Variants in MAML1 observed in about 807,000 individuals in gnomAD.
MAML1 encodes mastermind-like protein 1.
Under a neutral mutation model 77.1 loss-of-function variants are expected in MAML1, and 14 were observed. The observed-to-expected ratio is 0.18, with a 90% CI of 0.12 to 0.28. MAML1 has a LOEUF of 0.28. Ranked by LOEUF, MAML1 falls within the 10% of genes least tolerant of loss-of-function variation. The probability of loss-of-function intolerance (pLI) is 1.00; values close to 1 mark genes in which losing one functional copy is unlikely to be tolerated. For missense variants in MAML1, 1,217 were observed against 1,327.8 expected (o/e 0.92, Z 1.30); for synonymous variants, 516 against 551.9 (o/e 0.93, Z 0.91).
chr5:179,776,933 A>C lies in MAML1; in HGVS notation c.*2056A>C, dbSNP rs1000965415. The C allele has an allele frequency of 8.1e-5, 80 of 985,722 alleles. No individual in the cohort carries two copies. Among genetic ancestry groups the C allele is most frequent in the Middle Eastern group, 1.0e-3 (2 of 1,934 alleles). The allele number at this position is 985,722 out of a possible 1,614,324, so 61.1% of individuals were successfully genotyped here. A position where few individuals can be genotyped will look rare whatever the true frequency, so the allele number is the denominator to read the frequency against. Reference sequence around the variant, plus strand: ...ACAGCCCCGTCTTCCAGGAGCCACAACTCAGAAGAAAAGGGTGCTCAGACT... The same window carrying C: ...ACAGCCCCGTCTTCCAGGAGCCACACCTCAGAAGAAAAGGGTGCTCAGACT... On this transcript the variant is annotated 3_prime_UTR_variant, in exon 5 of 5. Transcript: ENST00000292599.
Position 179,732,970 on chromosome 5 carries a change from G to A in MAML1, c.-143G>A, listed in dbSNP as rs1395165409. On this transcript the variant is annotated 5_prime_UTR_variant, in exon 1 of 5. Transcript: ENST00000292599. Reference sequence around the variant, plus strand: ...GAGCGGGGCAGGAGGAAAACCCGCCGCCGCGCGCGAGCCCGCTCCGCTGCC... The same window carrying A: ...GAGCGGGGCAGGAGGAAAACCCGCCACCGCGCGCGAGCCCGCTCCGCTGCC... The A allele has an allele frequency of 9.4e-6, 4 of 425,826 alleles. No homozygotes were observed. The highest frequency in any genetic ancestry group is 1.5e-5 in the Non-Finnish European group (4 of 275,816). The allele number at this position is 425,826 out of a possible 1,614,324, so 26.4% of individuals were successfully genotyped here. A position where few individuals can be genotyped will look rare whatever the true frequency, so the allele number is the denominator to read the frequency against.
intron 1 of MAML1, among the ~76,000 whole-genome samples, chr5:179,763,054 T>A (rs1779750402): frequency 6.6e-6 from 1 of 152,230 alleles, no homozygotes; most frequent in Admixed American, 6.5e-5. Flanking sequence ...AGCTGACTCA[T>A]CAAGTGCCTT....
Position 179,769,584 on chromosome 5 carries a change from T to A in MAML1, c.1971+495T>A, listed in dbSNP as rs1464433243. Reference sequence around the variant, plus strand: ...CTTTTTTTTTTTTGGAGACAGAGTCTTGCTGTCACCCAGGCTGGACTGCAG... The same window carrying A: ...CTTTTTTTTTTTTGGAGACAGAGTCATGCTGTCACCCAGGCTGGACTGCAG... On this transcript the variant is annotated intron_variant, in intron 3 of 4. Coordinates refer to ENST00000292599, the MANE Select transcript of MAML1 (RefSeq NM_014757.5). This position sits in a 1 kb window ranked among gnomAD's most constrained non-coding sequence, Gnocchi z 4.2. Among the ~76,000 whole-genome samples, 2 of 152,050 alleles carry A rather than the reference T, an allele frequency of 1.3e-5. No homozygotes were observed. Among genetic ancestry groups the A allele is most frequent in the African/African-American group, 4.8e-5 (2 of 41,416 alleles).
intron 4 of MAML1, among the ~76,000 whole-genome samples, chr5:179,772,061 T>C (rs1379806468): frequency 6.6e-6 from 1 of 152,172 alleles, no homozygotes; most frequent in Non-Finnish European, 1.5e-5. Flanking sequence ...TGACATTTTG[T>C]GGATTATTGA....
intron 1 of MAML1, among the ~76,000 whole-genome samples, chr5:179,738,939 C>T (rs1284083445): frequency 1.4e-5 from 2 of 146,696 alleles, no homozygotes; most frequent in Non-Finnish European, 3.1e-5. Context: ...AGCCACCACA[C>T]CCAGCCTCAT....
chr5:179,743,842 T>A (rs959605057), intron 1 of MAML1, among the ~76,000 whole-genome samples: 2 of 152,188 alleles, frequency 1.3e-5, no homozygotes, highest in Non-Finnish European at 2.9e-5. Flanking sequence ...AATTGCTACA[T>A]ATATTTAATT....
In MAML1 at chr5:179,774,997, C is replaced by T; in HGVS notation, c.*120C>T. On this transcript the variant is annotated 3_prime_UTR_variant, in exon 5 of 5. Transcript: ENST00000292599. Reference sequence around the variant, plus strand: ...GCCTGGGGAGCTGGGCAGGTAGAGCCCAAGCTCCAGGTGAGGCCTGGCCCT... The same window carrying T: ...GCCTGGGGAGCTGGGCAGGTAGAGCTCAAGCTCCAGGTGAGGCCTGGCCCT... The T allele has an allele frequency of 1.3e-6, 2 of 1,484,200 alleles. No individual in the cohort carries two copies. The highest frequency in any genetic ancestry group is 1.8e-6 in the Non-Finnish European group (2 of 1,126,024). The allele number at this position is 1,484,200 out of a possible 1,614,324, so 91.9% of individuals were successfully genotyped here. A position where few individuals can be genotyped will look rare whatever the true frequency, so the allele number is the denominator to read the frequency against.
chr5:179,752,267 A>G (rs1581932462), intron 1 of MAML1, among the ~76,000 whole-genome samples: 1 of 140,658 alleles, frequency 7.1e-6, no homozygotes, highest in East Asian at 2.1e-4. Flanking sequence ...TGGAGGTTGC[A>G]GTGAGCCGAG....
intron 1 of MAML1, among the ~76,000 whole-genome samples, chr5:179,752,687 A>G (rs970577226): frequency 1.1e-4 from 16 of 146,332 alleles, no homozygotes; most frequent in Admixed American, 8.4e-4. Context: ...GCTCACTACA[A>G]GCTCCGCCTC....
rs1358708752 is a variant in MAML1 at position 179,775,399 on chromosome 5, T to C, written c.*522T>C. ...GATGGTTTAAATCAATTAAGTGGCA[T>C]TGGAAACCTAGGGTTTCCTTTTGAT... On this transcript the variant is annotated 3_prime_UTR_variant, in exon 5 of 5. Transcript: ENST00000292599. 1 of 985,102 alleles carries C rather than the reference T, an allele frequency of 1.0e-6. No individual in the cohort carries two copies. The highest frequency in any genetic ancestry group is 1.7e-5 in the African/African-American group (1 of 57,250). 61.0% of individuals were successfully genotyped at this position (985,102 alleles called of 1,614,324 possible). A position where few individuals can be genotyped will look rare whatever the true frequency, so the allele number is the denominator to read the frequency against.
In MAML1 at chr5:179,775,302, A is replaced by G; in HGVS notation, c.*425A>G. The G allele has an allele frequency of 2.0e-6, 2 of 991,354 alleles. No individual in the cohort carries two copies. The highest frequency in any genetic ancestry group is 2.4e-6 in the Non-Finnish European group (2 of 834,152). The allele number at this position is 991,354 out of a possible 1,614,324, so 61.4% of individuals were successfully genotyped here. A position where few individuals can be genotyped will look rare whatever the true frequency, so the allele number is the denominator to read the frequency against. On this transcript the variant is annotated 3_prime_UTR_variant, in exon 5 of 5. Transcript: ENST00000292599. ...TGTTGAAACTTTAGATAGCAGAATT[A>G]TTTGCAATTTGTAGCATAGAAAAGA...
chr5:179,775,114 G>A lies in MAML1; in HGVS notation c.*237G>A, dbSNP rs1365350602. On this transcript the variant is annotated 3_prime_UTR_variant, in exon 5 of 5. Transcript: ENST00000292599. The stretch of plus-strand genomic sequence containing the variant: ...CTGCTGGCATCAGTACCTGGTGTTG[G>A]GACAGCAGGATAGGGTTCTAAAGGT... 11 of 1,311,912 alleles carry A rather than the reference G, an allele frequency of 8.4e-6. No individual in the cohort carries two copies. The East Asian group carries it at 3.3e-4, about 40-fold the overall frequency. 81.3% of individuals were successfully genotyped at this position (1,311,912 alleles called of 1,614,324 possible). A position where few individuals can be genotyped will look rare whatever the true frequency, so the allele number is the denominator to read the frequency against.
intron 1 of MAML1, among the ~76,000 whole-genome samples, chr5:179,744,262 G>A (rs759128011): frequency 2.0e-5 from 3 of 152,022 alleles, no homozygotes; most frequent in Non-Finnish European, 2.9e-5. Flanking sequence ...TTGGCTCACC[G>A]CAACCTCCAC....
At chr5:179,735,764 T>C (rs1340822747) in intron 1 of MAML1, among the ~76,000 whole-genome samples, 4 of 151,506 alleles carry the variant, frequency 2.6e-5, no homozygotes, top group African/African-American at 9.7e-5. Flanking sequence ...TTCTGCTCAC[T>C]GCAACCTCTG....
intron 1 of MAML1, among the ~76,000 whole-genome samples, chr5:179,764,214 C>T (rs918871528): frequency 6.6e-6 from 1 of 152,286 alleles, no homozygotes; most frequent in South Asian, 2.1e-4. Flanking sequence ...GAGCTGTCTT[C>T]TTTGTCTTTA....
Position 179,773,930 on chromosome 5 carries a change from G to A in MAML1, c.2104G>A (p.Gly702Ser), listed in dbSNP as rs1316979160. ...SAAVPGMNTLGPSNSSCPRVF... is the reference protein window; with the variant it reads ...SAAVPGMNTLSPSNSSCPRVF... Reference sequence around the variant, plus strand: ...TGCCGTGCCCGGCATGAACACCTTGGGTCCATCCAACTCCAGCTGTCCTCG... The same window carrying A: ...TGCCGTGCCCGGCATGAACACCTTGAGTCCATCCAACTCCAGCTGTCCTCG... The change falls in exon 5 of 5, where the codon GGT (glycine) becomes AGT (serine). Residue 702 changes from glycine (G) to serine (S), a missense_variant. Transcript: ENST00000292599. The A allele has an allele frequency of 1.2e-6, 2 of 1,614,158 alleles. No homozygotes were observed. The highest frequency in any genetic ancestry group is 1.7e-5 in the Admixed American group (1 of 60,024).
At chr5:179,741,592 A>G (rs1201066017) in intron 1 of MAML1, among the ~76,000 whole-genome samples, 1 of 151,194 alleles carries the variant, frequency 6.6e-6, no homozygotes, top group Non-Finnish European at 1.5e-5. Flanking sequence ...AGGCTGAGGC[A>G]GGATAATCAC....
At chr5:179,773,607 C>G in intron 4 of MAML1, 1 of 382,858 alleles carries the variant, frequency 2.6e-6, no homozygotes, top group Non-Finnish European at 3.6e-6. Flanking sequence ...GTGCCCACCA[C>G]AGGGTCCCCA....
chr5:179,773,512 CGCGCCCCATT>C (rs58407765), intron 4 of MAML1, among the ~76,000 whole-genome samples: 7,249 of 152,262 alleles, frequency 0.048, 247 homozygotes, highest in African/African-American at 0.088. Context: ...CGCGCCCCAT[CGCGCCCCATT>C]GCGCCCCATC....
Sources: gnomAD v4.1 joint callset for allele counts (sites outside exome capture counted in the v4.1 genomes callset) on GRCh38, gnomAD v4.1.1 for gene constraint, Gnocchi (gnomAD v3.1) non-coding constraint, MANE v1.5 for transcripts, NCBI Gene and HGNC (gene_info 2026-07-23, HGNC 2026-07-21) for gene names.